Variants in SPIRE2 observed in about 807,000 individuals in gnomAD.
SPIRE2 encodes protein spire homolog 2.
Under a neutral mutation model 80.7 loss-of-function variants are expected in SPIRE2, and 76 were observed. The ratio of observed to expected loss-of-function variants is 0.94; its 90% CI spans 0.78 to 1.14. The LOEUF (loss-of-function observed/expected upper bound fraction) is 1.14, where lower values mean the gene tolerates loss of function less well. Ranked by LOEUF, SPIRE2 falls within the 50% of genes most tolerant of loss-of-function variation. The pLI, the probability that SPIRE2 is intolerant of heterozygous loss-of-function variation, is 0.00. For synonymous variants in SPIRE2, 535 were observed against 432.6 expected (o/e 1.24, Z -2.94); for missense variants, 1,196 against 1,015.3 (o/e 1.18, Z -2.42).
intron 2 of SPIRE2, among the ~76,000 whole-genome samples, chr16:89,848,214 C>G (rs1382951793): frequency 6.6e-6 from 1 of 152,252 alleles, no homozygotes; most frequent in Non-Finnish European, 1.5e-5. Flanking sequence ...CTGGAGGTCC[C>G]TTGCCCCAGG....
chr16:89,867,614 T>C (rs1387696802), intron 12 of SPIRE2, among the ~76,000 whole-genome samples: 2 of 151,714 alleles, frequency 1.3e-5, no homozygotes, highest in African/African-American at 4.8e-5. Context: ...AGACAGAGTT[T>C]CGCTCAGTCC....
intron 12 of SPIRE2, among the ~76,000 whole-genome samples, chr16:89,865,004 C>CTTTTTTTT (rs398042284): frequency 1.6e-5 from 2 of 125,364 alleles, no homozygotes; most frequent in Non-Finnish European, 1.7e-5. Context: ...ACTTTTTTTC[C>CTTTTTTTT]TTTTTTTTTT....
At position 89,829,509 on chromosome 16, in the gene SPIRE2, G is replaced by T. The variant is rs376431756; in HGVS notation, c.244+715G>T. Among the ~76,000 whole-genome samples, 7 of 152,242 alleles carry T rather than the reference G, an allele frequency of 4.6e-5. No homozygotes were observed. In the East Asian group the frequency reaches 1.2e-3, roughly 25 times the overall value. ...ATATGACCCCAAAAGCTGGTACCCT[G>T]CCGGGGGGCAGAGGCAGGCTGTGTG... On this transcript the variant is annotated intron_variant, in intron 1 of 14. Coordinates refer to ENST00000378247, the MANE Select transcript of SPIRE2 (RefSeq NM_032451.2).
intron 1 of SPIRE2, among the ~76,000 whole-genome samples, chr16:89,837,503 C>G (rs567315204): frequency 6.6e-6 from 1 of 152,322 alleles, no homozygotes; most frequent in Non-Finnish European, 1.5e-5. Flanking sequence ...GGATCTGACG[C>G]TGTCACCTCT....
At chr16:89,841,294 G>A (rs1488308906) in intron 1 of SPIRE2, among the ~76,000 whole-genome samples, 2 of 152,140 alleles carry the variant, frequency 1.3e-5, no homozygotes, top group African/African-American at 2.4e-5. Flanking sequence ...GGATGGAAAC[G>A]AGGGGTCCTG....
chr16:89,850,620 A>T lies in SPIRE2; in HGVS notation c.605A>T (p.Glu202Val), dbSNP rs1317665323. Residue 202 changes from glutamate (E) to valine (V), a missense_variant, in exon 3 of 15, where the codon GAG becomes GTG. Transcript: ENST00000378247. ...CGCGCGCTCTTCGTGGAGACGCTGG[A>T]GCTGCGGGCCTTCCTGGCCAGGGTC... ...VCRALFVETL[E>V]LRAFLARVRE... 1 of 1,513,188 alleles carries T rather than the reference A, an allele frequency of 6.6e-7. No individual in the cohort carries two copies. 93.7% of individuals were successfully genotyped at this position (1,513,188 alleles called of 1,614,324 possible).
chr16:89,835,655 C>T (rs1253348600), intron 1 of SPIRE2, among the ~76,000 whole-genome samples: 2 of 152,142 alleles, frequency 1.3e-5, no homozygotes, highest in African/African-American at 4.8e-5. Context: ...CCTCAGAGGG[C>T]ATTGGGACTC....
intron 9 of SPIRE2, among the ~76,000 whole-genome samples, chr16:89,860,123 T>C (rs545600763): frequency 1.2e-4 from 18 of 152,076 alleles, no homozygotes; most frequent in African/African-American, 4.1e-4. Context: ...AGGAGGAGGG[T>C]CTGGCTCACT....
In SPIRE2 at chr16:89,854,302, G is replaced by C; in HGVS notation, c.662G>C (p.Arg221Pro). ...TGGTCACAGATGCTGCAGAAGCTTC[G>C]GGAGGACGAGCCGCATCTGGAGACG... ...REAKEMLQKL[R>P]EDEPHLETPR... The change falls in exon 4 of 15, where the codon CGG becomes CCG. Residue 221 changes from arginine to proline, a missense_variant. By Grantham distance (103) the Arg-to-Pro change is moderately radical. Coordinates refer to ENST00000378247, the MANE Select transcript of SPIRE2 (RefSeq NM_032451.2). 6.2e-7 allele frequency: 1 copy of C among 1,612,142 alleles called. No homozygotes were observed. The highest frequency in any genetic ancestry group is 8.5e-7 in the Non-Finnish European group (1 of 1,179,716).
intron 1 of SPIRE2, among the ~76,000 whole-genome samples, chr16:89,840,693 T>TAG (rs1162802165): frequency 2.7e-5 from 4 of 146,960 alleles, no homozygotes; most frequent in Non-Finnish European, 4.5e-5. Context: ...TGGAGTGCAA[T>TAG]GGCGCAATCT....
intron 12 of SPIRE2, among the ~76,000 whole-genome samples, chr16:89,866,734 G>A (rs1329676978): frequency 6.6e-6 from 1 of 151,512 alleles, no homozygotes; most frequent in African/African-American, 2.4e-5. Context: ...TCAGCCTCCC[G>A]AGTAGCTGGA....
chr16:89,865,609 G>A (rs903660578), intron 12 of SPIRE2, among the ~76,000 whole-genome samples: 2 of 152,050 alleles, frequency 1.3e-5, no homozygotes, highest in Non-Finnish European at 2.9e-5. Flanking sequence ...ACTGTATCTC[G>A]CATCACATTA....
Position 89,828,785 on chromosome 16 carries a change from G to A in SPIRE2, c.235G>A (p.Glu79Lys), listed in dbSNP as rs1476570952. Residue 79 changes from glutamate to lysine, a missense_variant, in exon 1 of 15, where the codon GAG becomes AAG. Transcript: ENST00000378247. The surrounding 1 kb of genome is among the most constrained non-coding windows in gnomAD (Gnocchi z 5.9). Reference protein sequence around the residue: ...GDGSVGAREPEAAEPATMVVP... With the variant: ...GDGSVGAREPKAAEPATMVVP... ...CGGCTCGGTCGGGGCGCGGGAGCCC[G>A]AGGCCGCGGGTGAGGCCGGGGGCGG... 1.7e-6 allele frequency: 2 copies of A among 1,182,968 alleles called. No individual in the cohort carries two copies. Among genetic ancestry groups the A allele is most frequent in the East Asian group, 7.4e-5 (2 of 27,088 alleles). 73.3% of individuals were successfully genotyped at this position (1,182,968 alleles called of 1,614,324 possible).
At chr16:89,868,312 C>A in intron 13 of SPIRE2, 96 bp downstream of exon 13, 1 of 1,222,936 alleles carries the variant, frequency 8.2e-7, no homozygotes, top group Non-Finnish European at 1.2e-6. Flanking sequence ...CCTCACCAGG[C>A]ACCTCATCCA....
intron 1 of SPIRE2, among the ~76,000 whole-genome samples, chr16:89,835,560 G>A (rs1253524730): frequency 6.6e-6 from 1 of 152,178 alleles, no homozygotes; most frequent in African/African-American, 2.4e-5. Context: ...GTCTGGTCCT[G>A]GTTTGCAGCC....
rs759450231 is a variant in SPIRE2, at chr16:89,856,169, G to T, written c.1035G>T (p.Lys345Asn). The change falls in exon 7 of 15, where the codon AAG becomes AAT. Residue 345 changes from lysine (K) to asparagine (N), a missense_variant. Lys to Asn is a moderately conservative substitution (Grantham distance 94). Transcript: ENST00000378247. ...CAAAGCAAAGGTCCCTGCATGAGAAGATCCTGGAGGAGATCAAGCAGGAGC... is the reference window on the plus strand; with the variant it reads ...CAAAGCAAAGGTCCCTGCATGAGAATATCCTGGAGGAGATCAAGCAGGAGC... ...LPPKQRSLHE[K>N]ILEEIKQERR... The T allele has an allele frequency of 8.7e-6, 14 of 1,610,248 alleles. No individual in the cohort carries two copies. The Admixed American group carries it at 2.3e-4, about 27-fold the overall frequency.
rs765795685 is a variant in SPIRE2 at position 89,870,753 on chromosome 16, CT to C, written c.*482del. The C allele has an allele frequency of 3.1e-5, 5 of 162,728 alleles. No homozygotes were observed. Among genetic ancestry groups the C allele is most frequent in the Non-Finnish European group, 6.8e-5 (5 of 73,006 alleles). The allele number at this position is 162,728 out of a possible 1,614,324, so 10.1% of individuals were successfully genotyped here. On this transcript the variant is annotated 3_prime_UTR_variant, in exon 15 of 15. Transcript: ENST00000378247. ...GGCAGCAGAGGCATCTGGGAAGTCTCTGAGTAGGCAGGGTCCTCCTGGGAGG... is the reference window on the plus strand; with the variant it reads ...GGCAGCAGAGGCATCTGGGAAGTCTCGAGTAGGCAGGGTCCTCCTGGGAGG...
chr16:89,851,754 A>C (rs1335041469), intron 3 of SPIRE2, among the ~76,000 whole-genome samples: 1 of 151,912 alleles, frequency 6.6e-6, no homozygotes, highest in Non-Finnish European at 1.5e-5. Flanking sequence ...CATCTCATGG[A>C]GGAGAACGCC....
In SPIRE2 at chr16:89,858,468, G is replaced by A. The variant is rs774234787; in HGVS notation, c.1233G>A (p.Ala411=). The change falls in exon 8 of 15, where the codon GCG becomes GCA. Residue 411 remains alanine, a synonymous_variant. Coordinates refer to ENST00000378247, the MANE Select transcript of SPIRE2 (RefSeq NM_032451.2). ...CGCGGCCCCGCGTGCTGCTCAAGGCGCCTACCTTGGCTGAAATGGAAGAGA... is the reference window on the plus strand; with the variant it reads ...CGCGGCCCCGCGTGCTGCTCAAGGCACCTACCTTGGCTGAAATGGAAGAGA... ...QRPRPRVLLK[A]PTLAEMEEMN... 59 of 1,605,822 alleles carry A rather than the reference G, an allele frequency of 3.7e-5. No individual in the cohort carries two copies. Among genetic ancestry groups the A allele is most frequent in the East Asian group, 6.7e-5 (3 of 44,688 alleles).
Sources: allele counts gnomAD v4.1 joint callset (sites outside exome capture counted in the v4.1 genomes callset), GRCh38; gene constraint gnomAD v4.1.1; non-coding constraint Gnocchi (gnomAD v3.1); transcripts MANE v1.5; gene names NCBI Gene and HGNC (gene_info 2026-07-23, HGNC 2026-07-21).